The following SH3BGRL variants were observed in gnomAD, a reference collection of about 807,000 sequenced individuals.
SH3BGRL encodes the protein adapter SH3BGRL.
Under a neutral mutation model 9.8 loss-of-function variants are expected in SH3BGRL, and 7 were observed. The ratio of observed to expected loss-of-function variants is 0.72; its 90% CI spans 0.41 to 1.35. SH3BGRL has a LOEUF of 1.35. Ranked by LOEUF, SH3BGRL falls within the 40% of genes most tolerant of loss-of-function variation. The pLI is 0.01. For synonymous variants in SH3BGRL, 36 were observed against 29.1 expected (o/e 1.24, Z -0.76); for missense variants, 73 against 84.4 (o/e 0.86, Z 0.53).
intron 3 of SH3BGRL, among the ~76,000 whole-genome samples, chrX:81,279,643 G>A (rs1364941851): frequency 2.7e-5 from 3 of 111,307 alleles, no homozygotes; most frequent in Non-Finnish European, 3.8e-5. Flanking sequence ...AGAGCCCAGC[G>A]AAATACAGGG....
intron 3 of SH3BGRL, among the ~76,000 whole-genome samples, chrX:81,286,217 A>G (rs1291172617): frequency 1.8e-5 from 2 of 111,082 alleles, no homozygotes; most frequent in Non-Finnish European, 3.8e-5. Context: ...TGATATTTTT[A>G]CCACAAAATA....
intron 3 of SH3BGRL, among the ~76,000 whole-genome samples, chrX:81,282,510 T>C (rs1377073921): frequency 9.0e-6 from 1 of 111,623 alleles, no homozygotes; most frequent in Non-Finnish European, 1.9e-5. Context: ...AAACTGGAAA[T>C]CAACTCCAAA....
At chrX:81,240,473 G>C (rs1299533537) in intron 1 of SH3BGRL, among the ~76,000 whole-genome samples, 1 of 112,044 alleles carries the variant, frequency 8.9e-6, no homozygotes, top group Non-Finnish European at 1.9e-5. Context: ...AAATTAAATA[G>C]CGGGGCGTTA....
intron 1 of SH3BGRL, among the ~76,000 whole-genome samples, chrX:81,257,679 A>T (rs775623953): frequency 9.0e-6 from 1 of 111,697 alleles, no homozygotes; most frequent in Admixed American, 9.6e-5. Flanking sequence ...ACATAACATC[A>T]TCATTAGAGT....
At chrX:81,294,952 G>A (rs752973294) in intron 3 of SH3BGRL, among the ~76,000 whole-genome samples, 2 of 112,230 alleles carry the variant, frequency 1.8e-5, no homozygotes, top group Admixed American at 9.4e-5. Flanking sequence ...CACTGGGCCT[G>A]TAGCCCCTTT....
At position 81,222,588 on chromosome X, in the gene SH3BGRL, T is replaced by G. The variant is rs1279789742; in HGVS notation, c.45+20343T>G. On this transcript the variant is annotated intron_variant, in intron 1 of 3. Coordinates refer to ENST00000373212, the MANE Select transcript of SH3BGRL (RefSeq NM_003022.3). ...AGTCTATCATTGTTAGACATTTGGG[T>G]TGGTTCCAAGTCTTTGCTATTGTGA... Among the ~76,000 whole-genome samples, 3 of 110,762 alleles carry G rather than the reference T, an allele frequency of 2.7e-5. No individual in the cohort carries two copies. In the South Asian group the frequency reaches 1.2e-3, roughly 43 times the overall value.
chrX:81,209,658 T>C (rs776103264), intron 1 of SH3BGRL, among the ~76,000 whole-genome samples: 1 of 111,639 alleles, frequency 9.0e-6, no homozygotes, highest in East Asian at 2.8e-4. Context: ...AAAATCCTGT[T>C]ATATGATTTT....
intron 3 of SH3BGRL, among the ~76,000 whole-genome samples, chrX:81,296,331 A>G (rs563540973): frequency 2.7e-5 from 3 of 112,161 alleles, no homozygotes; most frequent in East Asian, 2.8e-4. Context: ...GAGCCAAACC[A>G]TATCAATGAG....
intron 1 of SH3BGRL, among the ~76,000 whole-genome samples, chrX:81,219,732 A>G (rs913602518): frequency 9.0e-6 from 1 of 111,269 alleles, no homozygotes; most frequent in African/African-American, 3.3e-5. Context: ...TTTTTTTCCC[A>G]TTAAGTGTTA....
At chrX:81,257,444 C>T (rs936331977) in intron 1 of SH3BGRL, among the ~76,000 whole-genome samples, 1 of 111,594 alleles carries the variant, frequency 9.0e-6, no homozygotes, top group Admixed American at 9.5e-5. Context: ...GTCAGGAGTC[C>T]TGGCACAGCT....
At chrX:81,242,174 G>A (rs1056760370) in intron 1 of SH3BGRL, among the ~76,000 whole-genome samples, 25 of 112,135 alleles carry the variant, frequency 2.2e-4, no homozygotes, top group Admixed American at 1.9e-3. Flanking sequence ...ATACTACAGA[G>A]CTATAATAAC....
At position 81,271,038 on chromosome X, in the gene SH3BGRL, A is replaced by C. The variant is rs762963937; in HGVS notation, c.46-5946A>C. The stretch of plus-strand genomic sequence containing the variant: ...TAGCAGTGAGCAAGGCTCCGTGGGC[A>C]TGGGATCTACCAAGCCAGGCATGGG... On this transcript the variant is annotated intron_variant, in intron 1 of 3. Transcript: ENST00000373212. Among the ~76,000 whole-genome samples the C allele has an allele frequency of 1.8e-3, 202 of 112,398 alleles. 1 individual carries two copies. Among genetic ancestry groups the C allele is most frequent in the Admixed American group, 3.9e-3 (42 of 10,648 alleles).
intron 1 of SH3BGRL, among the ~76,000 whole-genome samples, chrX:81,219,443 G>A (rs1445318437): frequency 5.4e-5 from 6 of 111,065 alleles, no homozygotes; most frequent in Admixed American, 1.9e-4. Context: ...ATTTAGAAAT[G>A]CTACTGATTT....
At chrX:81,226,382 C>A (rs1047370177) in intron 1 of SH3BGRL, among the ~76,000 whole-genome samples, 1 of 107,764 alleles carries the variant, frequency 9.3e-6, no homozygotes. Context: ...ATATTTTATG[C>A]CCTTTACAAT....
Position 81,283,714 on chromosome X carries a change from A to G in SH3BGRL, c.312+5303A>G, listed in dbSNP as rs150155607. Among the ~76,000 whole-genome samples, 294 of 111,559 alleles carry G rather than the reference A, an allele frequency of 2.6e-3. 1 individual carries two copies. The highest frequency in any genetic ancestry group is 4.4e-3 in the Non-Finnish European group (234 of 53,033). On this transcript the variant is annotated intron_variant, in intron 3 of 3. Transcript: ENST00000373212. ...ATGACAAACCCACAGCCAACATAAT[A>G]CAGAATGGGGAAAAGTTGAAAACAT...
intron 1 of SH3BGRL, among the ~76,000 whole-genome samples, chrX:81,252,764 A>G (rs913144556): frequency 8.9e-6 from 1 of 112,429 alleles, no homozygotes; most frequent in African/African-American, 3.2e-5. Context: ...TTCCCACTGG[A>G]TCTTAAACAG....
At chrX:81,216,988 C>T (rs1199932611) in intron 1 of SH3BGRL, among the ~76,000 whole-genome samples, 2 of 110,031 alleles carry the variant, frequency 1.8e-5, no homozygotes, top group Non-Finnish European at 3.8e-5. Flanking sequence ...TATATGTAAG[C>T]TCTATTTTTA....
intron 1 of SH3BGRL, among the ~76,000 whole-genome samples, chrX:81,227,937 T>C (rs578126318): frequency 1.3e-4 from 14 of 111,904 alleles, no homozygotes; most frequent in African/African-American, 4.2e-4. Flanking sequence ...ACGATGCTTC[T>C]TGTTCTCTCA....
At chrX:81,270,918 T>C (rs183074774) in intron 1 of SH3BGRL, among the ~76,000 whole-genome samples, 2 of 111,632 alleles carry the variant, frequency 1.8e-5, no homozygotes, top group Non-Finnish European at 3.8e-5. Flanking sequence ...TTGTTTACAT[T>C]GTGAGCATGG....
Sources: allele counts gnomAD v4.1 joint callset (sites outside exome capture counted in the v4.1 genomes callset), GRCh38; gene constraint gnomAD v4.1.1; transcripts MANE v1.5; gene names NCBI Gene and HGNC (gene_info 2026-07-23, HGNC 2026-07-21).